The following PLAAT4 variants were observed in gnomAD, a reference collection of about 807,000 sequenced individuals.
PLAAT4 encodes the protein phospholipase A and acyltransferase 4, also known as HRAS-like suppressor 4.
In PLAAT4, 12 loss-of-function variants were observed where a neutral mutation model predicts 14.1. The observed-to-expected ratio is 0.85, with a 90% CI of 0.54 to 1.37. The LOEUF is 1.37. Among genes scored for constraint, PLAAT4 ranks in the 40% most tolerant of loss-of-function variants. PLAAT4 has a pLI of 0.00. For missense variants in PLAAT4, 163 were observed against 211.7 expected (o/e 0.77, Z 1.43); for synonymous variants, 77 against 79.8 (o/e 0.96, Z 0.19).
At chr11:63,544,437 G>A (rs1238333165) in intron 2 of PLAAT4, among the ~76,000 whole-genome samples, 184 bp from the exon 3 acceptor site, 1 of 151,928 alleles carries the variant, frequency 6.6e-6, no homozygotes, top group African/African-American at 2.4e-5. Flanking sequence ...CTGAGATCGC[G>A]TCACTGCACT....
chr11:63,538,372 G>T, intron 1 of PLAAT4: 1 of 383,890 alleles, frequency 2.6e-6, no homozygotes, highest in Non-Finnish European at 5.2e-6. Flanking sequence ...TGGTCAGGGG[G>T]TTGTGGGGGT....
Position 63,546,367 on chromosome 11 carries a change from G to A in PLAAT4, c.*111G>A. ...CGTGCCCTGTCTCAGGCGTTCTCTA[G>A]ATCCTTTCCTCTGTTTCCCTCTCTC... On this transcript the variant is annotated 3_prime_UTR_variant, in exon 4 of 4. Coordinates refer to ENST00000255688, the MANE Select transcript of PLAAT4 (RefSeq NM_004585.5). The A allele has an allele frequency of 1.1e-6, 1 of 905,538 alleles. No individual in the cohort carries two copies. Among genetic ancestry groups the A allele is most frequent in the South Asian group, 1.5e-5 (1 of 68,748 alleles). 56.1% of individuals were successfully genotyped at this position (905,538 alleles called of 1,614,324 possible). A position where few individuals can be genotyped will look rare whatever the true frequency, so the allele number is the denominator to read the frequency against.
intron 2 of PLAAT4, among the ~76,000 whole-genome samples, chr11:63,541,371 T>C (rs1035517784): frequency 3.3e-5 from 5 of 152,078 alleles, no homozygotes; most frequent in South Asian, 2.1e-4. Flanking sequence ...TTTTGTATTT[T>C]AGTAGACATG....
intron 2 of PLAAT4, among the ~76,000 whole-genome samples, chr11:63,544,219 G>A (rs916899658): frequency 3.3e-5 from 5 of 152,150 alleles, no homozygotes; most frequent in Non-Finnish European, 7.3e-5. Flanking sequence ...GGCCACAGAA[G>A]TGATGTACAT....
chr11:63,539,460 G>A (rs1218707659), intron 1 of PLAAT4, 56 bp from the exon 2 acceptor site: 1 of 1,428,920 alleles, frequency 7.0e-7, no homozygotes, highest in African/African-American at 1.4e-5. Context: ...CCCCAGCCAG[G>A]GTCTCTGCTG....
Position 63,544,612 on chromosome 11 carries a change from T to C in PLAAT4, c.119-9T>C, listed in dbSNP as rs768945820. On this transcript the variant is annotated splice_polypyrimidine_tract_variant and intron_variant, in intron 2 of 3. Coordinates refer to ENST00000255688, the MANE Select transcript of PLAAT4 (RefSeq NM_004585.5). ...CTTCCCCTGCCAGTGAGAGTGCCTC[T>C]GATTGCAGGTGAGTACCCCGGGGCT... The C allele has an allele frequency of 1.9e-5, 31 of 1,605,988 alleles. No homozygotes were observed. The highest frequency in any genetic ancestry group is 4.0e-5 in the African/African-American group (3 of 74,798).
chr11:63,544,691 G>A lies in PLAAT4; in HGVS notation c.189G>A (p.Glu63=). 1 of 1,614,208 alleles carries A rather than the reference G, an allele frequency of 6.2e-7. No homozygotes were observed. The highest frequency in any genetic ancestry group is 1.1e-5 in the South Asian group (1 of 91,084). The change falls in exon 3 of 4, where the codon GAG becomes GAA. Residue 63 remains glutamate (E), a synonymous_variant. Coordinates refer to ENST00000255688, the MANE Select transcript of PLAAT4 (RefSeq NM_004585.5). ...GCAACAGTGCAGAGGTGAAACGGGA[G>A]CGCCTGGAAGATGTGGTGGGAGGCT... ...VLSNSAEVKR[E]RLEDVVGGCC... is the part of the protein sequence containing the mutation.
At chr11:63,538,712 G>A (rs1463876668) in intron 1 of PLAAT4, among the ~76,000 whole-genome samples, 1 of 152,174 alleles carries the variant, frequency 6.6e-6, no homozygotes, top group Non-Finnish European at 1.5e-5. Context: ...ACAGGAACCA[G>A]GGTGAGGGGT....
intron 2 of PLAAT4, among the ~76,000 whole-genome samples, chr11:63,544,379 G>T (rs1381881540): frequency 6.6e-6 from 1 of 152,046 alleles, no homozygotes; most frequent in East Asian, 1.9e-4. Flanking sequence ...ACTCGGGAGG[G>T]TGAGGCAGGA....
intron 3 of PLAAT4, chr11:63,545,167 C>T: frequency 1.7e-6 from 1 of 595,256 alleles, no homozygotes; most frequent in Non-Finnish European, 3.0e-6. Flanking sequence ...AAAATGGCTC[C>T]TGAAGTTCTG....
At chr11:63,546,098 G>A (rs757752183) in intron 3 of PLAAT4, 51 bp from the exon 4 acceptor site, 15 of 1,492,882 alleles carry the variant, frequency 1.0e-5, no homozygotes, top group Non-Finnish European at 1.4e-5. Context: ...GAGGGAGAAA[G>A]TGCCAGCCTG....
chr11:63,545,839 A>C (rs1215199969), intron 3 of PLAAT4, among the ~76,000 whole-genome samples: 2 of 152,106 alleles, frequency 1.3e-5, no homozygotes, highest in African/African-American at 2.4e-5. Flanking sequence ...TCCTTGCCCC[A>C]AATCAGAACA....
intron 1 of PLAAT4, among the ~76,000 whole-genome samples, chr11:63,538,879 A>G (rs2017295183): frequency 6.6e-6 from 1 of 152,124 alleles, no homozygotes; most frequent in Non-Finnish European, 1.5e-5. Context: ...ACAAGTTCCC[A>G]CAGAGGCCTG....
At chr11:63,538,171 C>T (rs892103102) in intron 1 of PLAAT4, among the ~76,000 whole-genome samples, 2 of 152,014 alleles carry the variant, frequency 1.3e-5, no homozygotes, top group Admixed American at 6.5e-5. Flanking sequence ...ACTCAGTGGG[C>T]CTGTGGGTGC....
chr11:63,540,706 A>T (rs890800320), intron 2 of PLAAT4, among the ~76,000 whole-genome samples: 1 of 152,148 alleles, frequency 6.6e-6, no homozygotes, highest in Non-Finnish European at 1.5e-5. Flanking sequence ...GGCATCTGTA[A>T]TCCCAGCTAC....
intron 2 of PLAAT4, among the ~76,000 whole-genome samples, chr11:63,541,567 T>C (rs917194394): frequency 2.0e-5 from 3 of 150,408 alleles, no homozygotes; most frequent in African/African-American, 7.3e-5. Flanking sequence ...TGTCTTACTC[T>C]GCCATCCAGG....
chr11:63,540,956 G>T (rs2017316782), intron 2 of PLAAT4, among the ~76,000 whole-genome samples: 1 of 152,196 alleles, frequency 6.6e-6, no homozygotes, highest in African/African-American at 2.4e-5. Context: ...TTTTCACCAA[G>T]CATTTACATT....
chr11:63,537,122 A>C (rs1012322608), intron 1 of PLAAT4, among the ~76,000 whole-genome samples: 1 of 152,166 alleles, frequency 6.6e-6, no homozygotes, highest in Non-Finnish European at 1.5e-5. Context: ...ACTCCCATGT[A>C]GTAGAGAGCT....
At chr11:63,542,921 A>G (rs180833881) in intron 2 of PLAAT4, among the ~76,000 whole-genome samples, 2 of 152,302 alleles carry the variant, frequency 1.3e-5, no homozygotes, top group African/African-American at 4.8e-5. Flanking sequence ...AACCTAGGAG[A>G]AAGCTTATAG....
Sources: gnomAD v4.1 joint callset for allele counts (sites outside exome capture counted in the v4.1 genomes callset) on GRCh38, gnomAD v4.1.1 for gene constraint, MANE v1.5 for transcripts, NCBI Gene and HGNC (gene_info 2026-07-23, HGNC 2026-07-21) for gene names.